ULK4: variants seen among roughly 807,000 people sequenced by gnomAD.
ULK4 encodes the protein unc-51 like kinase 4.
A neutral mutation model predicts 160.6 loss-of-function variants in ULK4; 133 were observed. That is an observed-to-expected ratio of 0.83 (90% CI 0.72 to 0.96). The LOEUF (loss-of-function observed/expected upper bound fraction) is 0.96, where lower values mean the gene tolerates loss of function less well. Among genes scored for constraint, ULK4 ranks in the 40% least tolerant of loss-of-function variants. The pLI, the probability that ULK4 is intolerant of heterozygous loss-of-function variation, is 0.00. For missense variants in ULK4, 1,580 were observed against 1,499.5 expected, an observed-to-expected ratio of 1.05 and a Z score of -0.89; for synonymous variants, 534 against 539.8, an observed-to-expected ratio of 0.99 and a Z score of 0.15.
chr3:41,585,746 A>G (rs2030747827), intron 31 of ULK4, among the ~76,000 whole-genome samples: 2 of 152,206 alleles, frequency 1.3e-5, no homozygotes, highest in African/African-American at 4.8e-5. Flanking sequence ...ATGAAATGAG[A>G]GAAAATTTGT....
chr3:41,331,349 G>A (rs1377608854), intron 35 of ULK4, among the ~76,000 whole-genome samples: 1 of 152,166 alleles, frequency 6.6e-6, no homozygotes, highest in Non-Finnish European at 1.5e-5. Context: ...GTTCTCGACA[G>A]CTAATCTACT....
intron 34 of ULK4, among the ~76,000 whole-genome samples, chr3:41,438,671 A>T (rs538279853): frequency 1.3e-5 from 2 of 152,070 alleles, no homozygotes; most frequent in South Asian, 4.2e-4. Flanking sequence ...GACAAAAAAA[A>T]ACAAACTTGG....
chr3:41,572,710 G>A (rs1233129840), intron 31 of ULK4, among the ~76,000 whole-genome samples: 1 of 151,134 alleles, frequency 6.6e-6, no homozygotes, highest in Non-Finnish European at 1.5e-5. Flanking sequence ...AGCTTGCAAT[G>A]GGCCGAGATC....
intron 32 of ULK4, among the ~76,000 whole-genome samples, chr3:41,511,806 A>C (rs1468189487): frequency 1.3e-5 from 2 of 152,166 alleles, no homozygotes; most frequent in Non-Finnish European, 2.9e-5. Flanking sequence ...TATCACCCTA[A>C]TACCAAAACT....
intron 19 of ULK4, among the ~76,000 whole-genome samples, chr3:41,800,909 C>G (rs533340356): frequency 1.3e-5 from 2 of 151,982 alleles, no homozygotes. Context: ...AAGGAAAAGC[C>G]CAGAAGTACT....
At chr3:41,421,141 A>AGAAAC in intron 34 of ULK4, among the ~76,000 whole-genome samples, 1 of 152,156 alleles carries the variant, frequency 6.6e-6, no homozygotes, top group Middle Eastern at 3.4e-3. Context: ...AGAAAAGAAA[A>AGAAAC]GAAAAGCTAT....
rs71616008 is a variant in ULK4 at position 41,469,602 on chromosome 3, C to CAAAAAAAAAAAAAAAAAA, written c.3227-6367_3227-6350dup. Reference sequence around the variant, plus strand: ...TGAAAGAGTGAAGGCCTACACCTGCCAAAAAAAAAAAAAAAAAAAAAAAAA... The same window carrying CAAAAAAAAAAAAAAAAAA: ...TGAAAGAGTGAAGGCCTACACCTGCCAAAAAAAAAAAAAAAAAAAAAAAAAAAAAAAAAAAAAAAAAAA... On this transcript the variant is annotated intron_variant, in intron 32 of 36. Coordinates refer to ENST00000301831, the MANE Select transcript of ULK4 (RefSeq NM_017886.4). 4.3e-3 allele frequency among the ~76,000 whole-genome samples: 49 copies of CAAAAAAAAAAAAAAAAAA among 11,308 alleles called. 1 individual carries two copies. Among genetic ancestry groups the CAAAAAAAAAAAAAAAAAA allele is most frequent in the Non-Finnish European group, 4.8e-3 (28 of 5,796 alleles). The allele number at this position is 11,308 out of a possible 152,430, so 7.4% of individuals were successfully genotyped here.
chr3:41,582,896 C>T (rs897000927), intron 31 of ULK4, among the ~76,000 whole-genome samples: 1 of 152,140 alleles, frequency 6.6e-6, no homozygotes, highest in African/African-American at 2.4e-5. Flanking sequence ...TCTTAAGAAC[C>T]CTCTGAGCCT....
chr3:41,816,907 A>ATTG (rs2040982740), intron 19 of ULK4, among the ~76,000 whole-genome samples: 1 of 152,246 alleles, frequency 6.6e-6, no homozygotes, highest in Non-Finnish European at 1.5e-5. Context: ...TGGTGGGAGT[A>ATTG]TAAATTGATA....
chr3:41,784,398 C>T (rs2039942190), intron 21 of ULK4, among the ~76,000 whole-genome samples: 1 of 152,156 alleles, frequency 6.6e-6, no homozygotes, highest in East Asian at 1.9e-4. Context: ...CACTCTATTG[C>T]ACTCCAGCCT....
chr3:41,330,267 T>C (rs2080416840), intron 35 of ULK4, among the ~76,000 whole-genome samples: 1 of 152,222 alleles, frequency 6.6e-6, no homozygotes, highest in African/African-American at 2.4e-5. Flanking sequence ...CTCAAAATGC[T>C]TTCCCAAGGA....
intron 32 of ULK4, among the ~76,000 whole-genome samples, chr3:41,533,687 CA>C (rs2086398143): frequency 6.6e-6 from 1 of 152,168 alleles, no homozygotes; most frequent in Non-Finnish European, 1.5e-5. Flanking sequence ...ATATGGCCCA[CA>C]AGTCTTAAAT....
At chr3:41,867,360 GGT>G (rs1171627738) in intron 17 of ULK4, among the ~76,000 whole-genome samples, 1 of 152,178 alleles carries the variant, frequency 6.6e-6, no homozygotes, top group Admixed American at 6.5e-5. Context: ...AAACTTTGGA[GGT>G]GGGGTCTGAC....
At chr3:41,934,043 A>T (rs1716652) in intron 4 of ULK4, among the ~76,000 whole-genome samples, 103,114 of 151,442 alleles carry the variant, frequency 0.68, 38,789 homozygotes, top group East Asian at 0.83. Context: ...GTCTCAAAAA[A>T]AATAATAATA....
intron 30 of ULK4, among the ~76,000 whole-genome samples, chr3:41,632,584 G>C (rs1043582948): frequency 6.6e-6 from 1 of 152,100 alleles, no homozygotes; most frequent in East Asian, 1.9e-4. Context: ...GTACAGAAGA[G>C]ACAACAGAAT....
At chr3:41,404,487 T>G (rs2082254771) in intron 34 of ULK4, among the ~76,000 whole-genome samples, 1 of 152,192 alleles carries the variant, frequency 6.6e-6, no homozygotes, top group Non-Finnish European at 1.5e-5. Context: ...TGAGGTTTCT[T>G]GTAGATAGCA....
intron 34 of ULK4, among the ~76,000 whole-genome samples, chr3:41,444,008 ATC>A (rs1376283852): frequency 6.6e-6 from 1 of 152,122 alleles, no homozygotes; most frequent in Non-Finnish European, 1.5e-5. Flanking sequence ...TGTAAAGTAT[ATC>A]TGTTTATACA....
chr3:41,771,014 A>C (rs1387546700), intron 21 of ULK4, among the ~76,000 whole-genome samples: 3 of 152,214 alleles, frequency 2.0e-5, no homozygotes, highest in South Asian at 2.1e-4. Context: ...GATGACAAGA[A>C]GTTTGTAAAT....
Position 41,663,636 on chromosome 3 carries a change from C to T in ULK4, c.3042G>A (p.Ala1014=), listed in dbSNP as rs189533519. 303 of 1,613,834 alleles carry T rather than the reference C, an allele frequency of 1.9e-4. 1 individual carries two copies. The African/African-American group carries it at 3.6e-3, about 19-fold the overall frequency. ...TGAAAGTTGGGTTGTGTTCAGTCAT[C>T]GCGACTAGCAGTTTCAGAGCATATG... ...VPAYALKLLV[A]MTEHNPTFTR... is the part of the protein sequence containing the mutation. Residue 1014 remains alanine, a synonymous_variant, in exon 30 of 37, where the codon GCG becomes GCA. Coordinates refer to ENST00000301831, the MANE Select transcript of ULK4 (RefSeq NM_017886.4).
Sources: allele counts gnomAD v4.1 joint callset (sites outside exome capture counted in the v4.1 genomes callset), GRCh38; gene constraint gnomAD v4.1.1; transcripts MANE v1.5; gene names NCBI Gene and HGNC (gene_info 2026-07-23, HGNC 2026-07-21).